Variants in SYCP2L observed in about 807,000 individuals in gnomAD.
SYCP2L encodes synaptonemal complex protein 2-like.
A neutral mutation model predicts 125.8 loss-of-function variants in SYCP2L; 98 were observed. The ratio of observed to expected loss-of-function variants is 0.78; its 90% CI spans 0.66 to 0.92. SYCP2L has a LOEUF of 0.92. Among genes scored for constraint, SYCP2L ranks in the 40% least tolerant of loss-of-function variants. The pLI, the probability that SYCP2L is intolerant of heterozygous loss-of-function variation, is 0.00. For missense variants in SYCP2L, 842 were observed against 936.4 expected (o/e 0.90, Z 1.32); for synonymous variants, 317 against 325.4 (o/e 0.97, Z 0.28).
In SYCP2L at chr6:10,904,646, G is replaced by A. The variant is rs77202378; in HGVS notation, c.642-1374G>A. Among the ~76,000 whole-genome samples the A allele has an allele frequency of 0.011, 1,630 of 152,240 alleles. 84 individuals are homozygous for A. The East Asian group carries it at 0.16, about 15-fold the overall frequency. On this transcript the variant is annotated intron_variant, in intron 8 of 29. Coordinates refer to ENST00000283141, the MANE Select transcript of SYCP2L (RefSeq NM_001040274.3). ...ACTACCTTATTGTCTGTGTGTTCTA[G>A]AAAGTCTGGAATGTTCTGGACTTCA... is the stretch of plus-strand genomic sequence containing the variant.
intron 14 of SYCP2L, among the ~76,000 whole-genome samples, chr6:10,922,271 C>T (rs116316985): frequency 1.3e-5 from 2 of 152,106 alleles, no homozygotes; most frequent in East Asian, 3.9e-4. Context: ...AGGTATTACT[C>T]TTTCCATTCT....
At chr6:10,944,801 G>GGGT (rs1344609423) in intron 23 of SYCP2L, among the ~76,000 whole-genome samples, 4 of 152,050 alleles carry the variant, frequency 2.6e-5, no homozygotes, top group South Asian at 2.1e-4. Flanking sequence ...TGCAACCTCT[G>GGGT]TCTCCCAGGT....
chr6:10,958,672 A>G, intron 25 of SYCP2L, 112 bp from the exon 26 acceptor site: 1 of 987,318 alleles, frequency 1.0e-6, no homozygotes, highest in African/African-American at 1.6e-5. Context: ...TAGCACTCAC[A>G]TTTGCTATGA....
intron 18 of SYCP2L, 117 bp downstream of exon 18, chr6:10,928,567 T>C (rs985403856): frequency 1.5e-6 from 2 of 1,375,390 alleles, no homozygotes; most frequent in African/African-American, 3.0e-5. Flanking sequence ...TCTGTCAATT[T>C]AAAAAAATTT....
chr6:10,903,068 C>T, intron 8 of SYCP2L, 105 bp downstream of exon 8: 1 of 913,646 alleles, frequency 1.1e-6, no homozygotes, highest in South Asian at 1.5e-5. Flanking sequence ...TCCTTTCTCT[C>T]TTGGGTAAAT....
At chr6:10,930,602 G>A (rs1780978653) in intron 19 of SYCP2L, 88 bp downstream of exon 19, 2 of 1,430,314 alleles carry the variant, frequency 1.4e-6, no homozygotes, top group Non-Finnish European at 1.9e-6. Context: ...ATGGGAGTGG[G>A]TCCAAAGAAA....
At chr6:10,918,725 C>CA (rs1273062203) in intron 14 of SYCP2L, among the ~76,000 whole-genome samples, 1 of 151,804 alleles carries the variant, frequency 6.6e-6, no homozygotes, top group Non-Finnish European at 1.5e-5. Flanking sequence ...TTAGTAGAGA[C>CA]GGGTTTCACC....
intron 14 of SYCP2L, among the ~76,000 whole-genome samples, chr6:10,914,430 G>A (rs1022015032): frequency 3.3e-5 from 5 of 152,110 alleles, no homozygotes; most frequent in African/African-American, 7.2e-5. Context: ...TTTGAAGTCC[G>A]GTAATTTGAT....
intron 12 of SYCP2L, among the ~76,000 whole-genome samples, chr6:10,911,746 G>A (rs1780610735): frequency 6.6e-6 from 1 of 152,048 alleles, no homozygotes; most frequent in Non-Finnish European, 1.5e-5. Flanking sequence ...AACATGTATT[G>A]TGGGTGAAAG....
chr6:10,938,009 T>G (rs1374507307), intron 21 of SYCP2L, among the ~76,000 whole-genome samples: 1 of 152,166 alleles, frequency 6.6e-6, no homozygotes, highest in East Asian at 1.9e-4. Flanking sequence ...GCCAATCCTT[T>G]TCAAACTCTT....
chr6:10,958,677 C>T lies in SYCP2L; in HGVS notation c.2164-107C>T. 5 of 1,022,828 alleles carry T rather than the reference C, an allele frequency of 4.9e-6. No individual in the cohort carries two copies. In the South Asian group the frequency reaches 7.9e-5, roughly 16 times the overall value. The allele number at this position is 1,022,828 out of a possible 1,614,324, so 63.4% of individuals were successfully genotyped here. A position where few individuals can be genotyped will look rare whatever the true frequency, so the allele number is the denominator to read the frequency against. ...CACACTTGCTTAGCACTCACATTTGCTATGAATATTATTACATGCTGGCAG... is the reference window on the plus strand; with the variant it reads ...CACACTTGCTTAGCACTCACATTTGTTATGAATATTATTACATGCTGGCAG... On this transcript the variant is annotated intron_variant, in intron 25 of 29. Transcript: ENST00000283141.
At chr6:10,927,041 A>G (rs946895738) in intron 16 of SYCP2L, among the ~76,000 whole-genome samples, 199 bp from the exon 17 acceptor site, 2 of 152,086 alleles carry the variant, frequency 1.3e-5, no homozygotes, top group African/African-American at 4.8e-5. Flanking sequence ...TTGGCCTCCC[A>G]AAGTCCTGGG....
In SYCP2L at chr6:10,932,800, C is replaced by T. The variant is rs559293942; in HGVS notation, c.1683+1311C>T. 2.6e-5 allele frequency among the ~76,000 whole-genome samples: 4 copies of T among 152,276 alleles called. No homozygotes were observed. In the East Asian group the frequency reaches 7.7e-4, roughly 29 times the overall value. On this transcript the variant is annotated intron_variant, in intron 20 of 29. Coordinates refer to ENST00000283141, the MANE Select transcript of SYCP2L (RefSeq NM_001040274.3). ...ACGGAGTCTTGCTCTGTCACCTAGG[C>T]TGAAGTGCAGTAGTGCGATCTCAGC...
At chr6:10,967,932 A>T (rs746930442) in intron 29 of SYCP2L, among the ~76,000 whole-genome samples, 2 of 152,164 alleles carry the variant, frequency 1.3e-5, no homozygotes, top group African/African-American at 4.8e-5. Context: ...AGAAGGCTTC[A>T]TCTAGGGGAG....
chr6:10,895,739 C>T (rs1198123866), intron 4 of SYCP2L, among the ~76,000 whole-genome samples: 1 of 152,140 alleles, frequency 6.6e-6, no homozygotes, highest in African/African-American at 2.4e-5. Context: ...TCCCCTGCCT[C>T]GGCCTCCCAA....
intron 29 of SYCP2L, among the ~76,000 whole-genome samples, chr6:10,966,743 T>A (rs1237890189): frequency 6.6e-6 from 1 of 152,222 alleles, no homozygotes; most frequent in African/African-American, 2.4e-5. Context: ...ATGGAAACCA[T>A]AGGAGGAGGA....
At chr6:10,953,721 T>A (rs1029510567) in intron 23 of SYCP2L, among the ~76,000 whole-genome samples, 6 of 152,170 alleles carry the variant, frequency 3.9e-5, no homozygotes, top group Non-Finnish European at 5.9e-5. Context: ...AGAAAAAAAA[T>A]GCCTGCCCTC....
intron 1 of SYCP2L, among the ~76,000 whole-genome samples, chr6:10,889,422 A>G (rs1207981527): frequency 6.6e-6 from 1 of 152,174 alleles, no homozygotes; most frequent in Non-Finnish European, 1.5e-5. Context: ...TGTGTTGGGA[A>G]TGTTCAAAAT....
chr6:10,943,634 T>A (rs900604436), intron 23 of SYCP2L, among the ~76,000 whole-genome samples: 2 of 152,204 alleles, frequency 1.3e-5, no homozygotes, highest in Non-Finnish European at 2.9e-5. Flanking sequence ...TGGCTTAGAA[T>A]CCTTCCATAC....
Sources: gnomAD v4.1 joint callset for allele counts (sites outside exome capture counted in the v4.1 genomes callset) on GRCh38, gnomAD v4.1.1 for gene constraint, MANE v1.5 for transcripts, NCBI Gene and HGNC (gene_info 2026-07-23, HGNC 2026-07-21) for gene names.